Variants in NUP210L observed in about 807,000 individuals in gnomAD.
The protein encoded by NUP210L is nucleoporin 210 like, also known as nuclear pore membrane glycoprotein 210-like.
Under a neutral mutation model 208.5 loss-of-function variants are expected in NUP210L, and 74 were observed. That is an observed-to-expected ratio of 0.35 (90% confidence interval 0.29 to 0.43). The LOEUF is 0.43. Ranked by LOEUF, NUP210L falls within the 20% of genes least tolerant of loss-of-function variation. The pLI, the probability that NUP210L is intolerant of heterozygous loss-of-function variation, is 1.00. For missense variants in NUP210L, 1,843 were observed against 2,289.4 expected, an observed-to-expected ratio of 0.81 and a Z score of 3.98; for synonymous variants, 780 against 816.9, an observed-to-expected ratio of 0.95 and a Z score of 0.77.
intron 27 of NUP210L, 97 bp from the exon 28 acceptor site, chr1:154,030,151 TA>T: frequency 2.3e-6 from 2 of 851,708 alleles, no homozygotes; most frequent in Non-Finnish European, 3.3e-6. Context: ...TTTTTTAAAT[TA>T]AAAATAAAAA....
chr1:153,998,101 G>A (rs958903435), intron 37 of NUP210L, among the ~76,000 whole-genome samples: 10 of 152,038 alleles, frequency 6.6e-5, no homozygotes, highest in African/African-American at 2.4e-4. Flanking sequence ...TACATTCTGA[G>A]AAACTTCTCT....
chr1:154,071,975 C>CGTGTGT (rs57566189), intron 16 of NUP210L, among the ~76,000 whole-genome samples: 15 of 148,366 alleles, frequency 1.0e-4, no homozygotes, highest in African/African-American at 2.5e-4. Flanking sequence ...TATTCCATCG[C>CGTGTGT]GTGTGTGTGT....
intron 33 of NUP210L, among the ~76,000 whole-genome samples, chr1:154,015,973 G>T (rs1036290851): frequency 6.6e-6 from 1 of 151,242 alleles, no homozygotes; most frequent in Non-Finnish European, 1.5e-5. Flanking sequence ...AAAAATAGAT[G>T]GCTAGGTGCA....
At chr1:154,036,919 C>T (rs559884169) in intron 27 of NUP210L, among the ~76,000 whole-genome samples, 103 of 151,898 alleles carry the variant, frequency 6.8e-4, no homozygotes, top group Non-Finnish European at 1.2e-3. Flanking sequence ...CATGCCACCA[C>T]ACCCAGCTAA....
At chr1:154,149,986 G>A (rs948185050) in intron 2 of NUP210L, among the ~76,000 whole-genome samples, 13 of 152,290 alleles carry the variant, frequency 8.5e-5, no homozygotes, top group Middle Eastern at 6.8e-3. Flanking sequence ...CCAGCACTTT[G>A]AGAGGCCAAG....
chr1:154,061,797 C>T, intron 17 of NUP210L, 123 bp from the exon 18 acceptor site: 1 of 677,310 alleles, frequency 1.5e-6, no homozygotes, highest in Non-Finnish European at 2.6e-6. Flanking sequence ...GGAGGAAAAA[C>T]TCTCAATGGG....
chr1:154,056,772 A>C, intron 23 of NUP210L, 43 bp downstream of exon 23: 1 of 1,532,632 alleles, frequency 6.5e-7, no homozygotes, highest in Non-Finnish European at 8.7e-7. Flanking sequence ...AAATGATGTT[A>C]AGCAAGAAAA....
At chr1:154,013,564 A>C (rs1231484888) in intron 33 of NUP210L, among the ~76,000 whole-genome samples, 2 of 149,348 alleles carry the variant, frequency 1.3e-5, no homozygotes, top group Non-Finnish European at 2.9e-5. Flanking sequence ...ACAGAGTGAG[A>C]CTCCATCTCA....
chr1:154,082,507 G>A (rs1571251271), intron 16 of NUP210L, among the ~76,000 whole-genome samples: 1 of 152,148 alleles, frequency 6.6e-6, no homozygotes, highest in African/African-American at 2.4e-5. Context: ...GAGATTCCCA[G>A]AGGATGGCAT....
intron 27 of NUP210L, among the ~76,000 whole-genome samples, chr1:154,038,255 C>A (rs1382235515): frequency 6.6e-6 from 1 of 152,016 alleles, no homozygotes; most frequent in Non-Finnish European, 1.5e-5. Context: ...ACCTCAGCCT[C>A]CTGAGTAGCT....
chr1:154,082,963 T>C (rs1450099290), intron 16 of NUP210L, among the ~76,000 whole-genome samples: 3 of 152,144 alleles, frequency 2.0e-5, no homozygotes, highest in Non-Finnish European at 4.4e-5. Context: ...TCATTCCTCC[T>C]GGTGGGTTTG....
At chr1:154,027,135 T>A (rs1196581117) in intron 29 of NUP210L, among the ~76,000 whole-genome samples, 2 of 149,692 alleles carry the variant, frequency 1.3e-5, no homozygotes, top group Admixed American at 1.3e-4. Flanking sequence ...CGTTGCATAC[T>A]GTATGATTCC....
intron 29 of NUP210L, among the ~76,000 whole-genome samples, chr1:154,026,642 C>G (rs190291531): frequency 1.2e-4 from 19 of 152,234 alleles, no homozygotes; most frequent in African/African-American, 3.1e-4. Flanking sequence ...GCCACTGTGC[C>G]CAGCCCCAAA....
At chr1:154,143,202 A>C (rs866852122) in intron 3 of NUP210L, among the ~76,000 whole-genome samples, 27 of 50,622 alleles carry the variant, frequency 5.3e-4, no homozygotes, top group East Asian at 5.0e-4. Context: ...CCCCCTGCCC[A>C]AAAAAAAAAA....
intron 15 of NUP210L, 137 bp downstream of exon 15, chr1:154,094,798 A>ATCATT (rs1474427111): frequency 7.5e-6 from 5 of 666,562 alleles, no homozygotes; most frequent in Non-Finnish European, 1.3e-5. Flanking sequence ...AGAAAAAACA[A>ATCATT]TCATTTGATC....
At chr1:154,148,095 T>C (rs1228010671) in intron 2 of NUP210L, among the ~76,000 whole-genome samples, 2 of 150,558 alleles carry the variant, frequency 1.3e-5, no homozygotes, top group African/African-American at 2.4e-5. Context: ...GGCGAAACCC[T>C]GTCTCTATTA....
chr1:154,027,111 C>CA (rs1471316645), intron 29 of NUP210L, among the ~76,000 whole-genome samples: 1 of 121,664 alleles, frequency 8.2e-6, no homozygotes, highest in African/African-American at 3.2e-5. Context: ...AAAAAAAAAA[C>CA]AAAAAACACA....
At chr1:154,125,860 C>T (rs1322401054) in intron 10 of NUP210L, among the ~76,000 whole-genome samples, 2 of 143,918 alleles carry the variant, frequency 1.4e-5, no homozygotes, top group African/African-American at 5.0e-5. Flanking sequence ...CTCCGCCTCC[C>T]GGGTTCACGC....
chr1:154,125,924 C>T (rs1657939474), intron 10 of NUP210L, among the ~76,000 whole-genome samples: 1 of 151,146 alleles, frequency 6.6e-6, no homozygotes, highest in Admixed American at 6.6e-5. Context: ...CCCGCCACCG[C>T]GCCCGGCTAA....
Sources: allele counts gnomAD v4.1 joint callset (sites outside exome capture counted in the v4.1 genomes callset), GRCh38; gene constraint gnomAD v4.1.1; transcripts MANE v1.5; gene names NCBI Gene and HGNC (gene_info 2026-07-23, HGNC 2026-07-21).